KRCC1: variants seen among roughly 807,000 people sequenced by gnomAD.
KRCC1 encodes lysine-rich coiled-coil protein 1.
In KRCC1, 3 loss-of-function variants were observed where a neutral mutation model predicts 7.4. The ratio of observed to expected loss-of-function variants is 0.40; its 90% CI spans 0.18 to 1.04. The LOEUF is 1.04. Ranked by LOEUF, KRCC1 falls within the 50% of genes least tolerant of loss-of-function variation. The probability of loss-of-function intolerance (pLI) is 0.33; values close to 1 mark genes in which losing one functional copy is unlikely to be tolerated. For synonymous variants in KRCC1, 102 were observed against 101.6 expected, an observed-to-expected ratio of 1.00 and a Z score of -0.02; for missense variants, 277 against 300.9, an observed-to-expected ratio of 0.92 and a Z score of 0.59.
intron 1 of KRCC1, among the ~76,000 whole-genome samples, chr2:88,050,817 T>G (rs1363929095): frequency 1.3e-5 from 2 of 152,170 alleles, no homozygotes; most frequent in Non-Finnish European, 2.9e-5. Flanking sequence ...ATTCTAAGTA[T>G]GTCTATTTCT....
chr2:88,037,386 A>G (rs1208084427), intron 1 of KRCC1, among the ~76,000 whole-genome samples: 2 of 152,190 alleles, frequency 1.3e-5, no homozygotes, highest in East Asian at 3.9e-4. Context: ...AATGCAGTCG[A>G]TTTTAAGACA....
intron 1 of KRCC1, among the ~76,000 whole-genome samples, chr2:88,053,600 A>G (rs903754634): frequency 6.6e-6 from 1 of 152,200 alleles, no homozygotes; most frequent in Non-Finnish European, 1.5e-5. Context: ...AACTGCCTTC[A>G]CTAAGAGAAC....
intron 2 of KRCC1, among the ~76,000 whole-genome samples, chr2:88,036,522 T>C (rs777555176): frequency 2.9e-4 from 44 of 152,170 alleles, no homozygotes; most frequent in Non-Finnish European, 4.1e-4. Context: ...ATCCTGTGCC[T>C]TGAAAACAAG....
At chr2:88,045,972 G>A (rs568576344) in intron 1 of KRCC1, among the ~76,000 whole-genome samples, 1 of 152,276 alleles carries the variant, frequency 6.6e-6, no homozygotes, top group South Asian at 2.1e-4. Flanking sequence ...GAGCCACCGT[G>A]CCCGGCCTGA....
chr2:88,043,652 T>C (rs913086440), intron 1 of KRCC1, among the ~76,000 whole-genome samples: 3 of 152,264 alleles, frequency 2.0e-5, no homozygotes, highest in Admixed American at 1.3e-4. Flanking sequence ...TATTAGGTAC[T>C]GTTCCAAGCA....
intron 1 of KRCC1, among the ~76,000 whole-genome samples, chr2:88,044,769 A>C (rs1164890672): frequency 1.3e-5 from 2 of 152,174 alleles, no homozygotes; most frequent in African/African-American, 4.8e-5. Flanking sequence ...ACTAAGAATA[A>C]CAAGTGCTGG....
intron 1 of KRCC1, among the ~76,000 whole-genome samples, chr2:88,051,385 A>G (rs747299572): frequency 8.8e-5 from 13 of 147,290 alleles, no homozygotes; most frequent in Admixed American, 5.4e-4. Flanking sequence ...TAGAATTTTA[A>G]TAACTGGAAA....
chr2:88,037,920 A>G (rs1475809887), intron 1 of KRCC1, among the ~76,000 whole-genome samples: 3 of 152,370 alleles, frequency 2.0e-5, no homozygotes, highest in African/African-American at 4.8e-5. Flanking sequence ...CTATACTTCA[A>G]TCTAAAGTTC....
chr2:88,054,357 C>T (rs1673565498), intron 1 of KRCC1, among the ~76,000 whole-genome samples: 1 of 152,208 alleles, frequency 6.6e-6, no homozygotes, highest in Non-Finnish European at 1.5e-5. Context: ...AGCTCCCTGA[C>T]TTCCCTTTTA....
At chr2:88,030,175 T>C (rs1225970124) in intron 3 of KRCC1, among the ~76,000 whole-genome samples, 1 of 149,634 alleles carries the variant, frequency 6.7e-6, no homozygotes, top group Non-Finnish European at 1.5e-5. Context: ...GTGATACAGT[T>C]TATCTCAAAA....
At chr2:88,031,036 G>C (rs1290799818) in intron 3 of KRCC1, among the ~76,000 whole-genome samples, 2 of 151,418 alleles carry the variant, frequency 1.3e-5, no homozygotes, top group East Asian at 3.9e-4. Flanking sequence ...TTGATAACTG[G>C]TTTATGATTT....
chr2:88,054,721 G>A (rs952343664), intron 1 of KRCC1, among the ~76,000 whole-genome samples: 1 of 152,126 alleles, frequency 6.6e-6, no homozygotes, highest in African/African-American at 2.4e-5. Context: ...ATGGAGCTCA[G>A]TCTTTCCCCT....
chr2:88,052,459 C>G (rs148240716), intron 1 of KRCC1, among the ~76,000 whole-genome samples: 42 of 152,334 alleles, frequency 2.8e-4, no homozygotes, highest in African/African-American at 1.0e-3. Flanking sequence ...TTTTGCATAT[C>G]TGCATTTGTG....
intron 3 of KRCC1, 57 bp from the exon 4 acceptor site, chr2:88,028,642 C>CTATT: frequency 1.3e-4 from 87 of 682,004 alleles, no homozygotes; most frequent in Non-Finnish European, 1.8e-4. Context: ...ATTTCCTTTG[C>CTATT]TCTTTTTTTT....
chr2:88,043,643 A>G (rs1295512828), intron 1 of KRCC1, among the ~76,000 whole-genome samples: 1 of 152,228 alleles, frequency 6.6e-6, no homozygotes, highest in Non-Finnish European at 1.5e-5. Context: ...CTTACAATGT[A>G]TTAGGTACTG....
At chr2:88,029,757 C>A (rs1672956579) in intron 3 of KRCC1, among the ~76,000 whole-genome samples, 1 of 150,832 alleles carries the variant, frequency 6.6e-6, no homozygotes, top group Non-Finnish European at 1.5e-5. Context: ...TGATTCTTTT[C>A]CTCACCTCAA....
At chr2:88,033,680 G>C (rs1673039116) in intron 3 of KRCC1, among the ~76,000 whole-genome samples, 2 of 152,054 alleles carry the variant, frequency 1.3e-5, no homozygotes, top group African/African-American at 4.8e-5. Flanking sequence ...CTACTAGGAG[G>C]GCTATAGTGA....
chr2:88,032,777 G>T (rs111440721), intron 3 of KRCC1, among the ~76,000 whole-genome samples: 3 of 152,074 alleles, frequency 2.0e-5, no homozygotes, highest in Non-Finnish European at 4.4e-5. Context: ...TCAAAATAAC[G>T]AAAATAATTG....
At chr2:88,050,447 CCTGTCT>C (rs1673450353) in intron 1 of KRCC1, among the ~76,000 whole-genome samples, 1 of 152,120 alleles carries the variant, frequency 6.6e-6, no homozygotes, top group African/African-American at 2.4e-5. Context: ...ACGGTGAAAT[CCTGTCT>C]CTACTAATAA....
Sources: allele counts gnomAD v4.1 joint callset (sites outside exome capture counted in the v4.1 genomes callset), GRCh38; gene constraint gnomAD v4.1.1; transcripts MANE v1.5; gene names NCBI Gene and HGNC (gene_info 2026-07-23, HGNC 2026-07-21).